The following BTLA variants were observed in gnomAD, a reference collection of about 807,000 sequenced individuals.
The protein encoded by BTLA is B and T lymphocyte associated, also known as B- and T-lymphocyte attenuator.
BTLA carries 11 observed loss-of-function variants against 25.0 expected under a neutral mutation model. The observed-to-expected ratio is 0.44, with a 90% CI of 0.28 to 0.73. BTLA has a LOEUF of 0.73. BTLA is among the 30% of genes least tolerant of loss of function. The pLI is 0.15. For synonymous variants in BTLA, 104 were observed against 119.8 expected (o/e 0.87, Z 0.86); for missense variants, 282 against 332.8 (o/e 0.85, Z 1.19).
rs771664600 is a variant in BTLA, at chr3:112,499,302, TAAG to T, written c.54_56del (p.Phe18del). The T allele has an allele frequency of 6.3e-5, 102 of 1,612,272 alleles. No homozygotes were observed. Among genetic ancestry groups the T allele is most frequent in the Non-Finnish European group, 8.0e-5 (94 of 1,178,520 alleles). On this transcript the variant is annotated inframe_deletion, in exon 1 of 5. Coordinates refer to ENST00000334529, the MANE Select transcript of BTLA (RefSeq NM_181780.4). ...TGTTCCAGATGTCCAGATATGGGAT[TAAG>T]AAGAAGACCCAAAATAATTTCCCAG...
intron 1 of BTLA, among the ~76,000 whole-genome samples, chr3:112,496,804 T>TG (rs1315428817): frequency 6.6e-6 from 1 of 152,126 alleles, no homozygotes; most frequent in East Asian, 1.9e-4. Context: ...CTCAGCTCAC[T>TG]GCAACCTCTG....
chr3:112,497,486 A>G (rs2082415665), intron 1 of BTLA, among the ~76,000 whole-genome samples: 1 of 152,162 alleles, frequency 6.6e-6, no homozygotes, highest in Non-Finnish European at 1.5e-5. Context: ...CCCACCATCA[A>G]TGTGGTTTAG....
chr3:112,471,508 C>A (rs1372033601), intron 2 of BTLA, among the ~76,000 whole-genome samples, 153 bp from the exon 3 acceptor site: 2 of 152,202 alleles, frequency 1.3e-5, no homozygotes, highest in Non-Finnish European at 2.9e-5. Context: ...ATCCCAGTGC[C>A]CTCAGCCACC....
chr3:112,476,813 A>G lies in BTLA; in HGVS notation c.403+2642T>C, dbSNP rs190408029. On this transcript the variant is annotated intron_variant, in intron 2 of 4. Coordinates refer to ENST00000334529, the MANE Select transcript of BTLA (RefSeq NM_181780.4). ...AGAACATATTTATCACCCCAAAAGG[A>G]AGCCCTCTACCTATTTAGTAGTCAT... 1.4e-4 allele frequency among the ~76,000 whole-genome samples: 21 copies of G among 152,324 alleles called. No homozygotes were observed. The East Asian group carries it at 3.1e-3, about 22-fold the overall frequency.
At chr3:112,483,658 A>T (rs1322423579) in intron 1 of BTLA, among the ~76,000 whole-genome samples, 1 of 152,034 alleles carries the variant, frequency 6.6e-6, no homozygotes, top group African/African-American at 2.4e-5. Context: ...GGAGAGTGTT[A>T]TATAACACTG....
At chr3:112,475,724 A>T (rs1441401427) in intron 2 of BTLA, among the ~76,000 whole-genome samples, 1 of 152,224 alleles carries the variant, frequency 6.6e-6, no homozygotes, top group Non-Finnish European at 1.5e-5. Context: ...ACTGAATTAC[A>T]CAAGGCTTCT....
At chr3:112,496,853 G>A (rs767725509) in intron 1 of BTLA, among the ~76,000 whole-genome samples, 42 of 151,688 alleles carry the variant, frequency 2.8e-4, no homozygotes, top group Non-Finnish European at 5.0e-4. Flanking sequence ...TCGGCCTCCC[G>A]AGTAGCTGGG....
chr3:112,494,893 A>G (rs995216781), intron 1 of BTLA, among the ~76,000 whole-genome samples: 3 of 152,186 alleles, frequency 2.0e-5, no homozygotes, highest in Non-Finnish European at 4.4e-5. Flanking sequence ...GAAATAAAGA[A>G]AAAAAAGAGT....
rs1290722612 is a variant in BTLA at position 112,464,287 on chromosome 3, GAC to G, written c.*1819_*1820del. ...GACATACTAAGGATATTTTAAATAA[GAC>G]AGAAATATTTTGCTTTTAAGTTTGA... On this transcript the variant is annotated 3_prime_UTR_variant, in exon 5 of 5. Coordinates refer to ENST00000334529, the MANE Select transcript of BTLA (RefSeq NM_181780.4). 2.0e-5 allele frequency: 8 copies of G among 394,810 alleles called. No individual in the cohort carries two copies. Among genetic ancestry groups the G allele is most frequent in the Non-Finnish European group, 3.6e-5 (8 of 223,814 alleles). 24.5% of individuals were successfully genotyped at this position (394,810 alleles called of 1,614,324 possible).
chr3:112,482,225 T>A (rs950805140), intron 1 of BTLA, among the ~76,000 whole-genome samples: 7 of 152,266 alleles, frequency 4.6e-5, no homozygotes, highest in African/African-American at 1.7e-4. Context: ...CTCTTAGCAA[T>A]GTCTAGTTCA....
rs538741341 is a variant in BTLA at position 112,479,268 on chromosome 3, C to T, written c.403+187G>A. ...TATTTCTCTACTCTCCTCTATCTCACTCACCTCAAACGCACACATACACAC... is the reference window on the plus strand; with the variant it reads ...TATTTCTCTACTCTCCTCTATCTCATTCACCTCAAACGCACACATACACAC... On this transcript the variant is annotated intron_variant, in intron 2 of 4. Transcript: ENST00000334529. Among the ~76,000 whole-genome samples, 9 of 152,300 alleles carry T rather than the reference C, an allele frequency of 5.9e-5. No individual in the cohort carries two copies. In the East Asian group the frequency reaches 1.7e-3, roughly 29 times the overall value.
intron 1 of BTLA, among the ~76,000 whole-genome samples, chr3:112,498,186 G>C (rs2107345089): frequency 6.6e-6 from 1 of 152,260 alleles, no homozygotes; most frequent in African/African-American, 2.4e-5. Context: ...GTAGAGTGTT[G>C]CAGTGCTCAG....
chr3:112,498,026 C>T (rs992750279), intron 1 of BTLA, among the ~76,000 whole-genome samples: 15 of 152,004 alleles, frequency 9.9e-5, no homozygotes, highest in African/African-American at 3.4e-4. Context: ...GCTTGGCTGA[C>T]TTTCTTAAAA....
At chr3:112,470,130 A>G (rs1037028147) in intron 3 of BTLA, 3 of 196,242 alleles carry the variant, frequency 1.5e-5, no homozygotes, top group South Asian at 2.6e-4. Flanking sequence ...CCTGTCACCT[A>G]TGTAGCCAAG....
At chr3:112,498,695 C>T (rs1315314419) in intron 1 of BTLA, among the ~76,000 whole-genome samples, 1 of 145,650 alleles carries the variant, frequency 6.9e-6, no homozygotes, top group Non-Finnish European at 1.5e-5. Context: ...TCCCTTTCAA[C>T]AAAATAGAAG....
At chr3:112,484,585 A>G (rs1360447023) in intron 1 of BTLA, among the ~76,000 whole-genome samples, 1 of 152,148 alleles carries the variant, frequency 6.6e-6, no homozygotes, top group African/African-American at 2.4e-5. Flanking sequence ...CTAGCCTGCA[A>G]TTTCTATTCC....
chr3:112,468,417 G>T lies in BTLA; in HGVS notation c.594+1341C>A, dbSNP rs547187353. On this transcript the variant is annotated intron_variant, in intron 4 of 4. Coordinates refer to ENST00000334529, the MANE Select transcript of BTLA (RefSeq NM_181780.4). ...TGTTAAGAAATATTTAGCCCCAAGGGTATAATATGGTATCCTTTTGATTAT... is the reference window on the plus strand; with the variant it reads ...TGTTAAGAAATATTTAGCCCCAAGGTTATAATATGGTATCCTTTTGATTAT... 5.3e-5 allele frequency among the ~76,000 whole-genome samples: 8 copies of T among 152,222 alleles called. No individual in the cohort carries two copies. In the East Asian group the frequency reaches 1.3e-3, roughly 26 times the overall value.
chr3:112,498,942 G>A (rs1041541679), intron 1 of BTLA, among the ~76,000 whole-genome samples: 1 of 152,130 alleles, frequency 6.6e-6, no homozygotes, highest in East Asian at 1.9e-4. Flanking sequence ...TATCAGTATG[G>A]CAGCCAGAGC....
At chr3:112,495,359 A>G (rs2082403920) in intron 1 of BTLA, among the ~76,000 whole-genome samples, 1 of 152,220 alleles carries the variant, frequency 6.6e-6, no homozygotes, top group Admixed American at 6.5e-5. Context: ...ACAATTCTGA[A>G]CTCTACATAA....
Sources: gnomAD v4.1 joint callset for allele counts (sites outside exome capture counted in the v4.1 genomes callset) on GRCh38, gnomAD v4.1.1 for gene constraint, MANE v1.5 for transcripts, NCBI Gene and HGNC (gene_info 2026-07-23, HGNC 2026-07-21) for gene names.